Variants in RIMS2 observed in about 807,000 individuals in gnomAD.
RIMS2 encodes the protein regulating synaptic membrane exocytosis protein 2.
Under a neutral mutation model 174.4 loss-of-function variants are expected in RIMS2, and 59 were observed. That is an observed-to-expected ratio of 0.34 (90% CI 0.27 to 0.42). RIMS2 has a LOEUF of 0.42. RIMS2 is among the 10% of genes least tolerant of loss of function. The pLI, the probability that RIMS2 is intolerant of heterozygous loss-of-function variation, is 1.00. For synonymous variants in RIMS2, 606 were observed against 572.5 expected (o/e 1.06, Z -0.84); for missense variants, 1,620 against 1,666.3 (o/e 0.97, Z 0.48).
At chr8:103,768,445 G>A in intron 3 of RIMS2, 2 of 771,244 alleles carry the variant, frequency 2.6e-6, no homozygotes, top group Non-Finnish European at 4.8e-6. Context: ...TCAGTGGTGG[G>A]AATGACAAAC....
chr8:103,967,632 T>A (rs539879148), intron 15 of RIMS2, among the ~76,000 whole-genome samples: 2 of 152,194 alleles, frequency 1.3e-5, no homozygotes, highest in East Asian at 1.9e-4. Flanking sequence ...TACGGTAATC[T>A]CCAACTATAA....
intron 14 of RIMS2, among the ~76,000 whole-genome samples, chr8:103,951,717 A>T (rs2085419529): frequency 1.3e-5 from 2 of 152,138 alleles, no homozygotes; most frequent in African/African-American, 2.4e-5. Flanking sequence ...TTTGCTTTTC[A>T]TACTCCAGTG....
chr8:104,117,236 A>G (rs1220791870), intron 19 of RIMS2, among the ~76,000 whole-genome samples: 1 of 152,138 alleles, frequency 6.6e-6, no homozygotes, highest in East Asian at 1.9e-4. Context: ...AGTTTTAATT[A>G]CGTCAATAAT....
At chr8:103,994,529 G>A (rs2094943828) in intron 17 of RIMS2, among the ~76,000 whole-genome samples, 3 of 152,038 alleles carry the variant, frequency 2.0e-5, no homozygotes, top group Admixed American at 2.0e-4. Flanking sequence ...CATACTTATT[G>A]CTCAAATTTA....
intron 3 of RIMS2, among the ~76,000 whole-genome samples, chr8:103,856,849 CAGG>C (rs1294250684): frequency 6.6e-6 from 1 of 151,744 alleles, no homozygotes; most frequent in Non-Finnish European, 1.5e-5. Context: ...CTTTGTCGCC[CAGG>C]CTGGAGTGCA....
chr8:103,941,075 A>C (rs1195771091), intron 13 of RIMS2, among the ~76,000 whole-genome samples: 1 of 152,196 alleles, frequency 6.6e-6, no homozygotes, highest in Non-Finnish European at 1.5e-5. Context: ...GAATAATACT[A>C]GTATGCAACT....
chr8:104,084,987 A>G (rs149896980), intron 19 of RIMS2, among the ~76,000 whole-genome samples: 155 of 152,286 alleles, frequency 1.0e-3, no homozygotes, highest in African/African-American at 3.2e-3. Context: ...TTAGATGACT[A>G]TTATGATTTT....
At chr8:103,605,314 G>A (rs564747603) in intron 1 of RIMS2, among the ~76,000 whole-genome samples, 3,559 of 142,392 alleles carry the variant, frequency 0.025, 128 homozygotes, top group African/African-American at 0.091. Context: ...ATTGATTTGC[G>A]TATATTGAAC....
At chr8:103,513,512 A>T (rs1399227640) in intron 1 of RIMS2, among the ~76,000 whole-genome samples, 1 of 152,246 alleles carries the variant, frequency 6.6e-6, no homozygotes, top group East Asian at 1.9e-4. Flanking sequence ...AGTAGCCCCT[A>T]ATCAAACATT....
chr8:103,551,732 G>A (rs1158883664), intron 1 of RIMS2, among the ~76,000 whole-genome samples: 1 of 152,150 alleles, frequency 6.6e-6, no homozygotes, highest in East Asian at 1.9e-4. Flanking sequence ...TCCTTAAGCT[G>A]ATAAGCAACT....
chr8:104,205,499 G>GTC (rs2099075553), intron 19 of RIMS2, among the ~76,000 whole-genome samples: 1 of 151,918 alleles, frequency 6.6e-6, no homozygotes, highest in African/African-American at 2.4e-5. Context: ...AAGTGTCTGT[G>GTC]TGTGTGTGTG....
chr8:103,924,332 C>T lies in RIMS2; in HGVS notation c.2196+2548C>T, dbSNP rs149994933. On this transcript the variant is annotated intron_variant, in intron 10 of 23. Transcript: ENST00000504942. ...CACTGCAAATACAAGTTTTTACCTT[C>T]ATGTAATTTATGAATTTTATTCTTA... Among the ~76,000 whole-genome samples, 59 of 151,734 alleles carry T rather than the reference C, an allele frequency of 3.9e-4. 1 individual carries two copies. The highest frequency in any genetic ancestry group is 1.4e-3 in the African/African-American group (58 of 41,522).
chr8:103,871,134 C>T (rs371533607), intron 3 of RIMS2, among the ~76,000 whole-genome samples: 6 of 152,280 alleles, frequency 3.9e-5, no homozygotes, highest in Admixed American at 2.6e-4. Context: ...AAGGGCCAGG[C>T]GCAGTGGCTC....
intron 3 of RIMS2, among the ~76,000 whole-genome samples, chr8:103,786,094 T>G (rs2098440871): frequency 6.6e-6 from 1 of 152,164 alleles, no homozygotes; most frequent in Non-Finnish European, 1.5e-5. Context: ...GTAGTTTGTA[T>G]TTCTGTGGGA....
At chr8:103,965,874 A>G (rs1459898574) in intron 15 of RIMS2, among the ~76,000 whole-genome samples, 1 of 151,722 alleles carries the variant, frequency 6.6e-6, no homozygotes, top group Non-Finnish European at 1.5e-5. Context: ...ATTTTGTCAA[A>G]CTGTCTTTTC....
chr8:103,892,328 A>T (rs2154521812), intron 4 of RIMS2, among the ~76,000 whole-genome samples: 1 of 151,638 alleles, frequency 6.6e-6, no homozygotes, highest in Non-Finnish European at 1.5e-5. Flanking sequence ...TCAGCTCCCC[A>T]AGTAGCTGGG....
chr8:103,693,475 G>A (rs747955011), intron 1 of RIMS2, among the ~76,000 whole-genome samples: 12 of 152,096 alleles, frequency 7.9e-5, no homozygotes, highest in African/African-American at 2.2e-4. Context: ...ATTCTTCCTC[G>A]CTGGAAATGA....
chr8:103,808,028 A>G (rs947237128), intron 3 of RIMS2, among the ~76,000 whole-genome samples: 1 of 152,158 alleles, frequency 6.6e-6, no homozygotes, highest in Non-Finnish European at 1.5e-5. Context: ...AAGGGGGATG[A>G]TGGAAGAGGC....
chr8:103,781,113 G>A (rs2098383699), intron 3 of RIMS2, among the ~76,000 whole-genome samples: 2 of 152,166 alleles, frequency 1.3e-5, no homozygotes, highest in South Asian at 4.1e-4. Context: ...GTAGCATGGT[G>A]CTGTGGAATA....
Sources: gnomAD v4.1 joint callset for allele counts (sites outside exome capture counted in the v4.1 genomes callset) on GRCh38, gnomAD v4.1.1 for gene constraint, MANE v1.5 for transcripts, NCBI Gene and HGNC (gene_info 2026-07-23, HGNC 2026-07-21) for gene names.